The following WNK2 variants were observed in gnomAD, a reference collection of about 807,000 sequenced individuals.
WNK2 encodes the protein WNK lysine deficient protein kinase 2.
WNK2 carries 67 observed loss-of-function variants against 192.1 expected under a neutral mutation model. The observed-to-expected ratio is 0.35, with a 90% CI of 0.29 to 0.43. The LOEUF (loss-of-function observed/expected upper bound fraction) is 0.43. WNK2 is among the 20% of genes least tolerant of loss of function. The pLI is 1.00. For missense variants in WNK2, 2,698 were observed against 3,089.7 expected (o/e 0.87, Z 3.01); for synonymous variants, 1,439 against 1,393.9 (o/e 1.03, Z -0.72).
rs753378784 is a variant in WNK2, at chr9:93,259,461, A to T, written c.2913A>T (p.Gln971His). 1 of 1,014,808 alleles carries T rather than the reference A, an allele frequency of 9.9e-7. No homozygotes were observed. Among genetic ancestry groups the T allele is most frequent in the Admixed American group, 2.9e-5 (1 of 33,926 alleles). 62.9% of individuals were successfully genotyped at this position (1,014,808 alleles called of 1,614,324 possible). The change falls in exon 12 of 30, where the codon CAA (glutamine) becomes CAT (histidine). Residue 971 changes from glutamine to histidine, a missense_variant. By Grantham distance (24) the Gln-to-His change is conservative. Transcript: ENST00000427277. The surrounding 1 kb of genome is among the most constrained non-coding windows in gnomAD (Gnocchi z 4.8). Reference protein sequence around the residue: ...TLPPQPVLPPQPTRPPQPVLP... With the variant: ...TLPPQPVLPPHPTRPPQPVLP... Reference sequence around the variant, plus strand: ...CCCCTCAACCTGTGTTGCCCCCGCAACCCACACGGCCCCCTCAACCTGTGC... The same window carrying T: ...CCCCTCAACCTGTGTTGCCCCCGCATCCCACACGGCCCCCTCAACCTGTGC...
chr9:93,310,963 CAAAAAT>C (rs1487673175), intron 28 of WNK2, among the ~76,000 whole-genome samples: 2 of 152,084 alleles, frequency 1.3e-5, no homozygotes, highest in African/African-American at 4.8e-5. Flanking sequence ...GATCCTGTCT[CAAAAAT>C]AAATAAATTC....
chr9:93,316,036 C>G lies in WNK2; in HGVS notation c.6517-1484C>G, dbSNP rs1164183648. 3.3e-5 allele frequency: 5 copies of G among 152,106 alleles called. No individual in the cohort carries two copies. The South Asian group carries it at 8.3e-4, about 25-fold the overall frequency. The allele number at this position is 152,106 out of a possible 1,614,324, so 9.4% of individuals were successfully genotyped here. A position where few individuals can be genotyped will look rare whatever the true frequency, so the allele number is the denominator to read the frequency against. On this transcript the variant is annotated intron_variant, in intron 28 of 29. Coordinates refer to ENST00000427277, the MANE Select transcript of WNK2 (RefSeq NM_006648.4). Reference sequence around the variant, plus strand: ...TTTCCTCTCTGCATATCTGATCGTTCCAGCCCCTTCCTCTCCATATTGAAT... The same window carrying G: ...TTTCCTCTCTGCATATCTGATCGTTGCAGCCCCTTCCTCTCCATATTGAAT...
Position 93,185,487 on chromosome 9 carries a change from G to A in WNK2, c.558G>A (p.Val186=). 1 of 1,612,828 alleles carries A rather than the reference G, an allele frequency of 6.2e-7. No homozygotes were observed. The highest frequency in any genetic ancestry group is 2.2e-5 in the East Asian group (1 of 44,872). The change falls in exon 2 of 30, where the codon GTG becomes GTA. Residue 186 remains valine, a synonymous_variant. Transcript: ENST00000427277. ...ACGACGAGGACGACCTCAAGGCCGT[G>A]GCCACCTCTCTGGACGGCCGCTTCC... is the stretch of plus-strand genomic sequence containing the variant. The part of the protein sequence containing the change: ...EEDDEDDLKA[V]ATSLDGRFLK...
intron 28 of WNK2, among the ~76,000 whole-genome samples, chr9:93,312,456 C>T (rs1188722339): frequency 6.6e-6 from 1 of 152,042 alleles, no homozygotes; most frequent in African/African-American, 2.4e-5. Context: ...CTCACCGCAA[C>T]CTCTGCCTCC....
intron 5 of WNK2, among the ~76,000 whole-genome samples, 166 bp downstream of exon 5, chr9:93,235,131 G>A (rs927378562): frequency 2.6e-5 from 4 of 152,196 alleles, no homozygotes; most frequent in African/African-American, 9.7e-5. Flanking sequence ...TTACAGAGGG[G>A]GAAACTGAGG....
chr9:93,317,601 G>A lies in WNK2; in HGVS notation c.6598G>A (p.Ala2200Thr), dbSNP rs773327601. The change falls in exon 29 of 30, where the codon GCC (alanine) becomes ACC (threonine). Residue 2200 changes from alanine to threonine, a missense_variant. Physicochemically the swap from Ala to Thr is moderately conservative, Grantham distance 58. This residue lies in a region of WNK2 where 167 missense variants were observed against 184.2 expected (regional missense o/e 0.91). Coordinates refer to ENST00000427277, the MANE Select transcript of WNK2 (RefSeq NM_006648.4). ...GPLSTTVIPG[A>T]APTLSVPTPD... ...TCTGTCCACCACGGTCATTCCCGGA[G>A]CCGCCCCGACCCTGTCCGTGCCCAC... The A allele has an allele frequency of 5.0e-6, 8 of 1,613,090 alleles. No homozygotes were observed. The highest frequency in any genetic ancestry group is 1.1e-5 in the South Asian group (1 of 91,074).
chr9:93,218,798 G>C (rs1836262561), intron 2 of WNK2, among the ~76,000 whole-genome samples: 1 of 152,172 alleles, frequency 6.6e-6, no homozygotes, highest in Non-Finnish European at 1.5e-5. Context: ...GGCTGCCCCG[G>C]CTTCCTGGGG....
At chr9:93,240,438 C>T (rs1294242511) in intron 7 of WNK2, among the ~76,000 whole-genome samples, 1 of 152,110 alleles carries the variant, frequency 6.6e-6, no homozygotes, top group African/African-American at 2.4e-5. Context: ...CCTAGAAAGG[C>T]GGGTTGGGGG....
rs762627738 is a variant in WNK2 at position 93,262,119 on chromosome 9, TC to T, written c.3360+18del. ...AACCAGTCCAAGAGGTGTGTGCCCC[TC>T]CCCCCAGCCTGTCCCATGACTGGGC... On this transcript the variant is annotated intron_variant, in intron 13 of 29. Transcript: ENST00000427277. The T allele has an allele frequency of 3.2e-6, 5 of 1,564,470 alleles. No homozygotes were observed. Among genetic ancestry groups the T allele is most frequent in the Non-Finnish European group, 3.5e-6 (4 of 1,149,474 alleles).
chr9:93,225,936 GTTGTGTTGTGTTGTA>G (rs1168769377), intron 2 of WNK2, among the ~76,000 whole-genome samples: 1 of 152,004 alleles, frequency 6.6e-6, no homozygotes, highest in African/African-American at 2.4e-5. Flanking sequence ...GTTGTGTTGT[GTTGTGTTGTGTTGTA>G]TTGTGTGTTG....
In WNK2 at chr9:93,243,264, C is replaced by T. The variant is rs1588136522; in HGVS notation, c.1542+3288C>T. Among the ~76,000 whole-genome samples the T allele has an allele frequency of 2.0e-5, 3 of 152,322 alleles. No individual in the cohort carries two copies. The South Asian group carries it at 6.2e-4, about 32-fold the overall frequency. The stretch of plus-strand genomic sequence containing the variant: ...GGAGCCTCCCAAGACTGCGACTCCT[C>T]CCTGCTTTTCATCCACACGGAGACT... On this transcript the variant is annotated intron_variant, in intron 7 of 29. Transcript: ENST00000427277.
chr9:93,232,570 C>T (rs1394401685), intron 4 of WNK2, among the ~76,000 whole-genome samples: 3 of 152,314 alleles, frequency 2.0e-5, no homozygotes, highest in African/African-American at 7.2e-5. Flanking sequence ...TTGTGATCTC[C>T]TACTCAGGAG....
In WNK2 at chr9:93,320,046, A is replaced by G. The variant is rs140875814; in HGVS notation, c.6629-321A>G. Reference sequence around the variant, plus strand: ...GCTTCTGCATGGAGGGAGGAGGAACACTCATCCCAGAGCCTCCTGTTTTGG... The same window carrying G: ...GCTTCTGCATGGAGGGAGGAGGAACGCTCATCCCAGAGCCTCCTGTTTTGG... On this transcript the variant is annotated intron_variant, in intron 29 of 29. Transcript: ENST00000427277. Among the ~76,000 whole-genome samples, 9 of 152,132 alleles carry G rather than the reference A, an allele frequency of 5.9e-5. No individual in the cohort carries two copies. The East Asian group carries it at 1.7e-3, about 29-fold the overall frequency.
At chr9:93,217,019 C>T (rs539194563) in intron 2 of WNK2, among the ~76,000 whole-genome samples, 3 of 150,974 alleles carry the variant, frequency 2.0e-5, no homozygotes, top group Admixed American at 6.6e-5. Context: ...AGTGCAGTGG[C>T]GAGATCTCGG....
At chr9:93,190,962 A>C (rs1830233052) in intron 2 of WNK2, among the ~76,000 whole-genome samples, 1 of 152,198 alleles carries the variant, frequency 6.6e-6, no homozygotes, top group Admixed American at 6.5e-5. Context: ...CAAGGGAGAC[A>C]AAGGGGCCGG....
chr9:93,243,024 C>T (rs995222373), intron 7 of WNK2, among the ~76,000 whole-genome samples: 3 of 152,160 alleles, frequency 2.0e-5, no homozygotes, highest in African/African-American at 2.4e-5. Context: ...GCTACAGCGA[C>T]GGCTGAGCGG....
At chr9:93,205,897 C>T (rs1473710954) in intron 2 of WNK2, among the ~76,000 whole-genome samples, 3 of 152,084 alleles carry the variant, frequency 2.0e-5, no homozygotes, top group Non-Finnish European at 4.4e-5. Context: ...AGGCTCCAGA[C>T]GTACTGGGGG....
In WNK2 at chr9:93,238,271, T is replaced by G; in HGVS notation, c.1272T>G (p.Pro424=). The change falls in exon 6 of 30, where the codon CCT becomes CCG. Residue 424 remains proline (P), a synonymous_variant. Coordinates refer to ENST00000427277, the MANE Select transcript of WNK2 (RefSeq NM_006648.4). ...CCAGCTTTGAGAAAGTGCACGATCC[T>G]GAAATCAAGGAGATTATTGGGGAGT... is the stretch of plus-strand genomic sequence containing the variant. The part of the protein sequence containing the change: ...KPASFEKVHD[P]EIKEIIGECI... 1 of 1,614,016 alleles carries G rather than the reference T, an allele frequency of 6.2e-7. No individual in the cohort carries two copies. The highest frequency in any genetic ancestry group is 1.3e-5 in the African/African-American group (1 of 75,054).
intron 2 of WNK2, among the ~76,000 whole-genome samples, chr9:93,218,218 A>G (rs2131712578): frequency 6.6e-6 from 1 of 152,210 alleles, no homozygotes; most frequent in East Asian, 1.9e-4. Context: ...ACTCCACAGG[A>G]TTCCACAGGC....
Sources: gnomAD v4.1 joint callset for allele counts (sites outside exome capture counted in the v4.1 genomes callset) on GRCh38, gnomAD v4.1.1 for gene constraint, gnomAD v4.1.1 regional missense constraint, Gnocchi (gnomAD v3.1) non-coding constraint, MANE v1.5 for transcripts, NCBI Gene and HGNC (gene_info 2026-07-23, HGNC 2026-07-21) for gene names.